Variants in SPIDR observed in about 807,000 individuals in gnomAD.
SPIDR encodes the protein DNA repair-scaffolding protein.
Under a neutral mutation model 104.6 loss-of-function variants are expected in SPIDR, and 93 were observed. The observed-to-expected ratio is 0.89, with a 90% CI of 0.75 to 1.06. The LOEUF (loss-of-function observed/expected upper bound fraction) is 1.06. SPIDR is among the 50% of genes least tolerant of loss of function. The pLI, the probability that SPIDR is intolerant of heterozygous loss-of-function variation, is 0.00. For missense variants in SPIDR, 1,154 were observed against 1,111.2 expected (o/e 1.04, Z -0.55); for synonymous variants, 431 against 416.9 (o/e 1.03, Z -0.41).
intron 5 of SPIDR, among the ~76,000 whole-genome samples, chr8:47,364,278 T>C (rs2056760562): frequency 1.3e-5 from 2 of 152,202 alleles, no homozygotes; most frequent in Non-Finnish European, 2.9e-5. Context: ...AGGGTTACTA[T>C]GAGTCGATGT....
At chr8:47,735,180 A>C in intron 19 of SPIDR, 127 bp from the exon 20 acceptor site, 1 of 799,914 alleles carries the variant, frequency 1.3e-6, no homozygotes, top group Non-Finnish European at 2.1e-6. Context: ...GTTCTCAGCC[A>C]TTTGAGGAGT....
At chr8:47,616,471 A>G (rs1198768158) in intron 10 of SPIDR, among the ~76,000 whole-genome samples, 3 of 152,230 alleles carry the variant, frequency 2.0e-5, no homozygotes, top group Non-Finnish European at 4.4e-5. Flanking sequence ...TGTGTTACCT[A>G]CAGTGATTCT....
chr8:47,511,995 G>C (rs1309090683), intron 8 of SPIDR: 2 of 784,000 alleles, frequency 2.6e-6, no homozygotes, highest in African/African-American at 3.4e-5. Flanking sequence ...AAATGGTTAT[G>C]ATGTCTTCTT....
At chr8:47,341,609 C>G (rs2050767773) in intron 5 of SPIDR, among the ~76,000 whole-genome samples, 1 of 151,598 alleles carries the variant, frequency 6.6e-6, no homozygotes, top group Admixed American at 6.6e-5. Context: ...CAAAACAGAA[C>G]TTTTTTTTCC....
chr8:47,360,458 C>T (rs1180149000), intron 5 of SPIDR, among the ~76,000 whole-genome samples: 5 of 151,976 alleles, frequency 3.3e-5, no homozygotes, highest in Admixed American at 2.0e-4. Flanking sequence ...TGTCATTGAT[C>T]TATTTTAACT....
intron 3 of SPIDR, among the ~76,000 whole-genome samples, chr8:47,286,104 A>G (rs1325420345): frequency 6.6e-6 from 1 of 152,192 alleles, no homozygotes; most frequent in African/African-American, 2.4e-5. Context: ...GACATAACTA[A>G]TGATTATCCT....
intron 5 of SPIDR, among the ~76,000 whole-genome samples, chr8:47,371,248 G>A (rs1174514805): frequency 6.6e-6 from 1 of 151,690 alleles, no homozygotes; most frequent in Non-Finnish European, 1.5e-5. Context: ...GTGTGTTGTG[G>A]TCCAAAGAAG....
chr8:47,641,763 A>T (rs933349517), intron 10 of SPIDR, among the ~76,000 whole-genome samples: 1 of 152,176 alleles, frequency 6.6e-6, no homozygotes, highest in African/African-American at 2.4e-5. Context: ...CTGACATAGA[A>T]GCCCAGCTGA....
chr8:47,493,647 T>G (rs2079048950), intron 8 of SPIDR, among the ~76,000 whole-genome samples: 1 of 152,002 alleles, frequency 6.6e-6, no homozygotes, highest in Non-Finnish European at 1.5e-5. Flanking sequence ...CAGCCTGGAG[T>G]GGTAGCAGCA....
chr8:47,612,176 C>T (rs924325105), intron 10 of SPIDR, among the ~76,000 whole-genome samples: 11 of 152,182 alleles, frequency 7.2e-5, no homozygotes, highest in Non-Finnish European at 1.0e-4. Context: ...CTTGATGCCT[C>T]CCAATGAAAT....
intron 6 of SPIDR, among the ~76,000 whole-genome samples, chr8:47,401,252 A>G (rs1206771898): frequency 1.3e-5 from 2 of 152,214 alleles, no homozygotes; most frequent in Non-Finnish European, 2.9e-5. Context: ...TCATAAGTGA[A>G]GGAGAAATAA....
chr8:47,274,342 A>G (rs1204786929), intron 1 of SPIDR, among the ~76,000 whole-genome samples: 1 of 152,066 alleles, frequency 6.6e-6, no homozygotes, highest in Non-Finnish European at 1.5e-5. Flanking sequence ...TTTCCTTTGC[A>G]TTGTTCTCCA....
At chr8:47,669,576 C>T (rs1044693693) in intron 10 of SPIDR, among the ~76,000 whole-genome samples, 2 of 152,230 alleles carry the variant, frequency 1.3e-5, no homozygotes, top group Non-Finnish European at 2.9e-5. Flanking sequence ...AGGAAAACGT[C>T]AGGGCAAACT....
intron 8 of SPIDR, among the ~76,000 whole-genome samples, chr8:47,551,922 C>T (rs1359522206): frequency 6.6e-6 from 1 of 152,174 alleles, no homozygotes; most frequent in East Asian, 1.9e-4. Flanking sequence ...CTGTAAGTTT[C>T]CCTCTACACA....
intron 5 of SPIDR, among the ~76,000 whole-genome samples, chr8:47,393,717 C>A (rs1197266825): frequency 7.6e-6 from 1 of 131,644 alleles, no homozygotes; most frequent in South Asian, 2.4e-4. Flanking sequence ...CCTTTCCTTT[C>A]CTTTCCTTTC....
intron 5 of SPIDR, among the ~76,000 whole-genome samples, chr8:47,300,991 C>A (rs2041983429): frequency 6.6e-6 from 1 of 152,132 alleles, no homozygotes; most frequent in Non-Finnish European, 1.5e-5. Flanking sequence ...AGTTCAGTGC[C>A]TGGATATCCT....
chr8:47,346,797 G>T (rs1554618475), intron 5 of SPIDR, among the ~76,000 whole-genome samples: 1 of 152,014 alleles, frequency 6.6e-6, no homozygotes, highest in African/African-American at 2.4e-5. Context: ...CTGTGGGATT[G>T]GTGGTGATAT....
At chr8:47,290,399 A>C (rs1415915400) in intron 3 of SPIDR, among the ~76,000 whole-genome samples, 1 of 152,172 alleles carries the variant, frequency 6.6e-6, no homozygotes, top group Non-Finnish European at 1.5e-5. Flanking sequence ...GTGGTGATAG[A>C]ATTGATCTGT....
At chr8:47,540,750 G>GT (rs2087946156) in intron 8 of SPIDR, among the ~76,000 whole-genome samples, 1 of 152,094 alleles carries the variant, frequency 6.6e-6, no homozygotes, top group Admixed American at 6.6e-5. Context: ...GTCAGGGCCT[G>GT]TTTTATGAAA....
Sources: gnomAD v4.1 joint callset for allele counts (sites outside exome capture counted in the v4.1 genomes callset) on GRCh38, gnomAD v4.1.1 for gene constraint, MANE v1.5 for transcripts, NCBI Gene and HGNC (gene_info 2026-07-23, HGNC 2026-07-21) for gene names.